Variants in USH2A observed in about 807,000 individuals in gnomAD.
USH2A encodes the protein usherin.
In USH2A, 443 loss-of-function variants were observed where a neutral mutation model predicts 538.9. The ratio of observed to expected loss-of-function variants is 0.82; its 90% CI spans 0.76 to 0.89. The LOEUF is 0.89. USH2A is among the 40% of genes least tolerant of loss of function. USH2A has a pLI of 0.00. For synonymous variants in USH2A, 2,413 were observed against 2,273.5 expected (o/e 1.06, Z -1.75); for missense variants, 6,633 against 6,324.8 (o/e 1.05, Z -1.65).
chr1:216,337,197 C>G (rs1292335375), intron 4 of USH2A, among the ~76,000 whole-genome samples: 1 of 151,364 alleles, frequency 6.6e-6, no homozygotes, highest in East Asian at 1.9e-4. Flanking sequence ...CAGCTAATAA[C>G]TATTGCATAC....
intron 4 of USH2A, among the ~76,000 whole-genome samples, chr1:216,329,471 G>C (rs547731421): frequency 2.0e-5 from 3 of 152,218 alleles, no homozygotes; most frequent in African/African-American, 7.2e-5. Context: ...GAATAGGAAA[G>C]TCACTCCTCA....
At chr1:215,838,183 T>A (rs910751468) in intron 46 of USH2A, 80 bp from the exon 47 acceptor site, 61 of 1,091,902 alleles carry the variant, frequency 5.6e-5, no homozygotes, top group Non-Finnish European at 8.3e-5. Context: ...CCACCTTCCC[T>A]CATTTCACAT....
rs369541369 is a variant in USH2A at position 216,198,354 on chromosome 1, C to T, written c.4042G>A (p.Val1348Met). Residue 1348 changes from valine (V) to methionine (M), a missense_variant, in exon 18 of 72, where the codon GTG becomes ATG. Transcript: ENST00000307340. ...CTTTCTGAGACCCAGGCAGAAGACACACTTCCAGCCATATTCACAGCTAAG... is the reference window on the plus strand; with the variant it reads ...CTTTCTGAGACCCAGGCAGAAGACATACTTCCAGCCATATTCACAGCTAAG... ...RVLAVNMAGS[V>M]SSAWVSERTG... is the part of the protein sequence containing the mutation. 3 of 1,613,890 alleles carry T rather than the reference C, an allele frequency of 1.9e-6. No individual in the cohort carries two copies. Among genetic ancestry groups the T allele is most frequent in the African/African-American group, 2.7e-5 (2 of 74,926 alleles).
chr1:215,845,183 A>G (rs1282952087), intron 45 of USH2A, among the ~76,000 whole-genome samples: 2 of 152,172 alleles, frequency 1.3e-5, no homozygotes, highest in African/African-American at 4.8e-5. Context: ...TATAAACAAA[A>G]GGTGCCGACC....
chr1:215,743,336 C>A lies in USH2A; in HGVS notation c.11390-1G>T. ...ACAGGAATTTCGGGGATGAGGATCCCTTTAAAGAGAGAGAGAGAGAGAGAA... is the reference window on the plus strand; with the variant it reads ...ACAGGAATTTCGGGGATGAGGATCCATTTAAAGAGAGAGAGAGAGAGAGAA... On this transcript the variant is annotated splice_acceptor_variant, in intron 58 of 71. Transcript: ENST00000307340. LOFTEE classifies it high-confidence loss of function. 2 of 1,587,634 alleles carry A rather than the reference C, an allele frequency of 1.3e-6. No individual in the cohort carries two copies. The highest frequency in any genetic ancestry group is 1.7e-6 in the Non-Finnish European group (2 of 1,166,932).
chr1:215,766,630 A>G (rs752051273), intron 56 of USH2A, 51 bp downstream of exon 56: 3 of 1,529,828 alleles, frequency 2.0e-6, no homozygotes, highest in Non-Finnish European at 2.7e-6. Flanking sequence ...TTCCACCTCA[A>G]AATGCTATGT....
intron 50 of USH2A, among the ~76,000 whole-genome samples, chr1:215,797,087 A>C (rs1473717232): frequency 6.6e-6 from 1 of 152,166 alleles, no homozygotes; most frequent in African/African-American, 2.4e-5. Context: ...ATATGAAGAC[A>C]CTTTGAGTGG....
At chr1:215,958,910 CAT>C (rs1255980731) in intron 37 of USH2A, among the ~76,000 whole-genome samples, 3 of 152,152 alleles carry the variant, frequency 2.0e-5, no homozygotes, top group African/African-American at 7.2e-5. Context: ...GCAGCCAAAA[CAT>C]AAGAAGAAAG....
intron 21 of USH2A, among the ~76,000 whole-genome samples, chr1:216,141,770 A>G (rs1171767550): frequency 6.6e-6 from 1 of 152,178 alleles, no homozygotes; most frequent in Admixed American, 6.5e-5. Flanking sequence ...CAAGATGATT[A>G]TATATGGCAT....
At chr1:216,279,676 C>T (rs1441719210) in intron 11 of USH2A, among the ~76,000 whole-genome samples, 1 of 152,066 alleles carries the variant, frequency 6.6e-6, no homozygotes, top group African/African-American at 2.4e-5. Context: ...AGCTGATGAC[C>T]ACCATCTTGA....
intron 38 of USH2A, among the ~76,000 whole-genome samples, chr1:215,903,592 T>C (rs746314847): frequency 3.3e-5 from 5 of 152,048 alleles, no homozygotes; most frequent in Non-Finnish European, 5.9e-5. Flanking sequence ...TGAGAGTCAG[T>C]GCACACTGGC....
At chr1:216,032,268 G>A (rs17042201) in intron 32 of USH2A, among the ~76,000 whole-genome samples, 2,246 of 152,048 alleles carry the variant, frequency 0.015, 57 homozygotes, top group African/African-American at 0.051. Context: ...TTATTTCTGC[G>A]ACTAATAGCA....
chr1:215,665,391 T>C (rs1182767296), intron 64 of USH2A, among the ~76,000 whole-genome samples: 1 of 152,102 alleles, frequency 6.6e-6, no homozygotes. Flanking sequence ...TGTGCGTGGG[T>C]GCTTACCGCA....
intron 21 of USH2A, among the ~76,000 whole-genome samples, chr1:216,168,661 T>C (rs2034217268): frequency 6.6e-6 from 1 of 152,180 alleles, no homozygotes; most frequent in Non-Finnish European, 1.5e-5. Flanking sequence ...TTAGAAGCCG[T>C]GCAGCCTCCA....
chr1:216,323,474 C>G lies in USH2A; in HGVS notation c.1550G>C (p.Arg517Thr), dbSNP rs1393503590. ...TTGAAAACAAAATTCATAATAATAC[C>G]TCCCACTAATGGTGATTTCGTCCAC... ...YAVDEITISG[R>T]CQCHGHADNC... Residue 517 changes from arginine (R) to threonine (T), a missense_variant and splice_region_variant, in exon 8 of 72, where the codon AGA becomes ACA. Physicochemically the swap from Arg to Thr is moderately conservative, Grantham distance 71 (BLOSUM62 -1). Coordinates refer to ENST00000307340, the MANE Select transcript of USH2A (RefSeq NM_206933.4). 6 of 1,612,958 alleles carry G rather than the reference C, an allele frequency of 3.7e-6. No individual in the cohort carries two copies. The highest frequency in any genetic ancestry group is 1.3e-5 in the African/African-American group (1 of 74,788).
At position 215,790,300 on chromosome 1, in the gene USH2A, TA is replaced by T. The variant is rs1298133480; in HGVS notation, c.9959-19del. 6.2e-7 allele frequency: 1 copy of T among 1,611,726 alleles called. No homozygotes were observed. The highest frequency in any genetic ancestry group is 8.5e-7 in the Non-Finnish European group (1 of 1,178,692). ...GAACATACCTGCAACAATAAAATGT[TA>T]TATATGAATATGAAATAGAAAAAGG... On this transcript the variant is annotated intron_variant, in intron 50 of 71. Transcript: ENST00000307340.
intron 55 of USH2A, 36 bp downstream of exon 55, chr1:215,779,807 C>T: frequency 6.2e-7 from 1 of 1,609,172 alleles, no homozygotes; most frequent in Non-Finnish European, 8.5e-7. Flanking sequence ...ATGACAGACT[C>T]CTCCAGTAGG....
chr1:215,909,930 A>T (rs960688713), intron 38 of USH2A, among the ~76,000 whole-genome samples: 1 of 151,960 alleles, frequency 6.6e-6, no homozygotes, highest in Non-Finnish European at 1.5e-5. Flanking sequence ...GGAAGAAAAA[A>T]AATTTGTTGG....
intron 49 of USH2A, among the ~76,000 whole-genome samples, chr1:215,802,643 T>C (rs566759233): frequency 2.5e-4 from 38 of 152,212 alleles, no homozygotes; most frequent in Admixed American, 8.5e-4. Context: ...ATTGGCACAC[T>C]TATGCGTTGT....
Sources: allele counts gnomAD v4.1 joint callset (sites outside exome capture counted in the v4.1 genomes callset), GRCh38; gene constraint gnomAD v4.1.1; transcripts MANE v1.5; gene names NCBI Gene and HGNC (gene_info 2026-07-23, HGNC 2026-07-21).